Variants in RAB28 observed in about 807,000 individuals in gnomAD.
RAB28 encodes the protein RAB28, member RAS oncogene family, also known as ras-related protein Rab-28.
Under a neutral mutation model 31.7 loss-of-function variants are expected in RAB28, and 24 were observed. The ratio of observed to expected loss-of-function variants is 0.76; its 90% confidence interval spans 0.55 to 1.06. The LOEUF is 1.06. RAB28 is among the 50% of genes least tolerant of loss of function. The pLI is 0.00. For missense variants in RAB28, 254 were observed against 258.5 expected (o/e 0.98, Z 0.12); for synonymous variants, 100 against 90.4 (o/e 1.11, Z -0.60).
chr4:13,385,469 T>C (rs576643661), intron 4 of RAB28, among the ~76,000 whole-genome samples: 3 of 152,182 alleles, frequency 2.0e-5, no homozygotes, highest in Admixed American at 6.5e-5. Flanking sequence ...TCAGGTCACA[T>C]ACAAAGGGAA....
chr4:13,463,414 C>T (rs1292788548), intron 3 of RAB28, among the ~76,000 whole-genome samples: 5 of 152,156 alleles, frequency 3.3e-5, no homozygotes, highest in African/African-American at 1.2e-4. Flanking sequence ...CTGGCCCACA[C>T]TGTGTATCTG....
In RAB28 at chr4:13,368,608, T is replaced by C; in HGVS notation, c.616A>G (p.Met206Val). The change falls in exon 7 of 7, where the codon ATG becomes GTG. Residue 206 changes from methionine to valine, a missense_variant. Physicochemically the swap from Met to Val is conservative, Grantham distance 21. Transcript: ENST00000330852. Reference sequence around the variant, plus strand: ...CTAGGAGGGTTAACAGTCCTTGACATAGGTTCCTGGTTGTAGTTTACAATA... The same window carrying C: ...CTAGGAGGGTTAACAGTCCTTGACACAGGTTCCTGGTTGTAGTTTACAATA... ...ADIVNYNQEPMSRTVNPPRSS... is the reference protein window; with the variant it reads ...ADIVNYNQEPVSRTVNPPRSS... 4 of 1,612,496 alleles carry C rather than the reference T, an allele frequency of 2.5e-6. No individual in the cohort carries two copies. The highest frequency in any genetic ancestry group is 1.3e-5 in the African/African-American group (1 of 74,874).
chr4:13,451,116 T>C (rs1020903524), intron 4 of RAB28, among the ~76,000 whole-genome samples: 4 of 151,770 alleles, frequency 2.6e-5, no homozygotes, highest in Admixed American at 6.6e-5. Flanking sequence ...GAAGCTACTG[T>C]TGTAGTTTAT....
rs1029125094 is a variant in RAB28, at chr4:13,479,424, T to C, written c.172+6A>G. ...TCTTCTACGTTAAGACTTTTTAGTC[T>C]CTTACCTGGCAATGTTATCCTTCTC... On this transcript the variant is annotated splice_donor_region_variant and intron_variant, in intron 2 of 6. Coordinates refer to ENST00000330852, the MANE Select transcript of RAB28 (RefSeq NM_001017979.3). 2 of 1,571,330 alleles carry C rather than the reference T, an allele frequency of 1.3e-6. No individual in the cohort carries two copies. The highest frequency in any genetic ancestry group is 1.7e-5 in the Admixed American group (1 of 58,846).
intron 4 of RAB28, among the ~76,000 whole-genome samples, chr4:13,425,190 A>C (rs1254624392): frequency 6.6e-6 from 1 of 152,176 alleles, no homozygotes. Flanking sequence ...CACACTCAGT[A>C]TCAAAGATTT....
chr4:13,412,408 A>G (rs1485199994), intron 4 of RAB28, among the ~76,000 whole-genome samples: 2 of 152,142 alleles, frequency 1.3e-5, no homozygotes, highest in African/African-American at 2.4e-5. Context: ...TCTAATGTCA[A>G]TCTGTGGCTG....
intron 1 of RAB28, 112 bp from the exon 2 acceptor site, chr4:13,479,638 G>T: frequency 1.4e-6 from 1 of 697,718 alleles, no homozygotes; most frequent in Non-Finnish European, 2.4e-6. Flanking sequence ...AATCCAACAA[G>T]CAAATTTAAG....
chr4:13,442,541 T>C (rs1481092683), intron 4 of RAB28, among the ~76,000 whole-genome samples: 1 of 151,908 alleles, frequency 6.6e-6, no homozygotes, highest in Non-Finnish European at 1.5e-5. Context: ...TAAATATTAA[T>C]TATAACCAAA....
chr4:13,482,323 CTAAG>C lies in RAB28; in HGVS notation c.75+1749_75+1752del, dbSNP rs558542578. On this transcript the variant is annotated intron_variant, in intron 1 of 6. Transcript: ENST00000330852. ...GACGCAAAATTATGAACAAATTTCA[CTAAG>C]TAATATATGTACAATAAATACTGTT... is the stretch of plus-strand genomic sequence containing the variant. 2.1e-3 allele frequency among the ~76,000 whole-genome samples: 319 copies of C among 152,170 alleles called. 2 individuals are homozygous for C. The highest frequency in any genetic ancestry group is 3.4e-3 in the Non-Finnish European group (232 of 67,980).
chr4:13,424,956 G>T (rs1713393611), intron 4 of RAB28, among the ~76,000 whole-genome samples: 1 of 152,216 alleles, frequency 6.6e-6, no homozygotes, highest in East Asian at 1.9e-4. Flanking sequence ...CAATTTACCT[G>T]AATTCTTTAA....
intron 6 of RAB28, chr4:13,369,903 AGTAGAGGTG>A: frequency 6.2e-7 from 1 of 1,612,424 alleles, no homozygotes. Flanking sequence ...TTCTACTCTG[AGTAGAGGTG>A]GTATGTTGAT....
rs1055254590 is a variant in RAB28 at position 13,480,556 on chromosome 4, T to C, written c.76-1030A>G. Among the ~76,000 whole-genome samples, 6 of 151,950 alleles carry C rather than the reference T, an allele frequency of 3.9e-5. No individual in the cohort carries two copies. In the East Asian group the frequency reaches 1.2e-3, roughly 29 times the overall value. ...GTTCCTTATGACATAAGCAGTACAA[T>C]AGTGCAAAAGAAAATTTGGCCAAAC... On this transcript the variant is annotated intron_variant, in intron 1 of 6. Coordinates refer to ENST00000330852, the MANE Select transcript of RAB28 (RefSeq NM_001017979.3).
intron 4 of RAB28, among the ~76,000 whole-genome samples, chr4:13,426,666 G>A (rs980440566): frequency 6.6e-6 from 1 of 152,034 alleles, no homozygotes; most frequent in African/African-American, 2.4e-5. Context: ...TTAATTCCTA[G>A]TATTTAGCAT....
chr4:13,393,365 A>G (rs1348483224), intron 4 of RAB28, among the ~76,000 whole-genome samples: 1 of 152,234 alleles, frequency 6.6e-6, no homozygotes, highest in Non-Finnish European at 1.5e-5. Flanking sequence ...AGAGCTAGTG[A>G]AATCAGCAGG....
intron 3 of RAB28, among the ~76,000 whole-genome samples, chr4:13,465,921 A>G (rs143011327): frequency 6.6e-6 from 1 of 151,952 alleles, no homozygotes; most frequent in African/African-American, 2.4e-5. Context: ...TGAGCCATAC[A>G]TGTACAGTCA....
At chr4:13,413,589 A>T (rs908608929) in intron 4 of RAB28, among the ~76,000 whole-genome samples, 1 of 152,172 alleles carries the variant, frequency 6.6e-6, no homozygotes, top group Non-Finnish European at 1.5e-5. Context: ...AAATTAATGA[A>T]CCCGCAGAGA....
chr4:13,369,743 G>A (rs1728643582), intron 6 of RAB28: 14 of 905,840 alleles, frequency 1.5e-5, no homozygotes, highest in Non-Finnish European at 1.9e-5. Flanking sequence ...ACGTAGACGT[G>A]ATATTAACTT....
intron 3 of RAB28, among the ~76,000 whole-genome samples, chr4:13,462,072 G>A (rs760269740): frequency 2.0e-5 from 3 of 152,120 alleles, no homozygotes; most frequent in East Asian, 1.9e-4. Context: ...GGATTCCTAC[G>A]GATTTAAGTT....
chr4:13,451,802 C>T (rs1441745502), intron 4 of RAB28, among the ~76,000 whole-genome samples: 1 of 151,866 alleles, frequency 6.6e-6, no homozygotes, highest in Non-Finnish European at 1.5e-5. Context: ...TGTTATTTCG[C>T]ATATGGATAT....
Sources: allele counts gnomAD v4.1 joint callset (sites outside exome capture counted in the v4.1 genomes callset), GRCh38; gene constraint gnomAD v4.1.1; transcripts MANE v1.5; gene names NCBI Gene and HGNC (gene_info 2026-07-23, HGNC 2026-07-21).